Variants in C4orf50 observed in about 807,000 individuals in gnomAD.
The protein encoded by C4orf50 is uncharacterized protein C4orf50.
In C4orf50, 80 loss-of-function variants were observed where a neutral mutation model predicts 77.2. That is an observed-to-expected ratio of 1.04 (90% CI 0.87 to 1.25). The LOEUF is 1.25. Ranked by LOEUF, C4orf50 falls within the 50% of genes most tolerant of loss-of-function variation. The pLI is 0.00. For missense variants in C4orf50, 1,257 were observed against 1,152.9 expected (o/e 1.09, Z -1.31); for synonymous variants, 532 against 465.3 (o/e 1.14, Z -1.84).
In C4orf50 at chr4:6,009,788, C is replaced by T. The variant is rs984734801; in HGVS notation, c.427-1256G>A. 1.3e-5 allele frequency among the ~76,000 whole-genome samples: 2 copies of T among 152,126 alleles called. No individual in the cohort carries two copies. The highest frequency in any genetic ancestry group is 2.9e-5 in the Non-Finnish European group (2 of 68,028). ...CGCTTCAAAATACAGATGTTTGCAG[C>T]GAGAGATTTAGGGTTAGAGGGTTGG... On this transcript the variant is annotated intron_variant, in intron 24 of 33. Transcript: ENST00000531445. The surrounding 1 kb of genome is among the most constrained non-coding windows in gnomAD (Gnocchi z 5.6).
chr4:6,002,259 C>T (rs1400927714), intron 25 of C4orf50, among the ~76,000 whole-genome samples: 1 of 152,120 alleles, frequency 6.6e-6, no homozygotes, highest in African/African-American at 2.4e-5. Flanking sequence ...GTCTGCAAGT[C>T]AAAGATTGCC....
chr4:5,921,029 G>T (rs1392225039), intron 7 of C4orf50, among the ~76,000 whole-genome samples: 2 of 152,208 alleles, frequency 1.3e-5, no homozygotes, highest in Non-Finnish European at 2.9e-5. Flanking sequence ...GGATTTCTCT[G>T]GGATGTGGCC....
intron 25 of C4orf50, among the ~76,000 whole-genome samples, chr4:5,996,592 T>C (rs73196045): frequency 0.065 from 9,910 of 152,268 alleles, 350 homozygotes; most frequent in African/African-American, 0.077. Context: ...AAGGCCGATC[T>C]TTAATGAGGC....
intron 7 of C4orf50, among the ~76,000 whole-genome samples, chr4:5,927,041 C>T (rs903892713): frequency 3.3e-5 from 5 of 152,080 alleles, no homozygotes; most frequent in Middle Eastern, 3.2e-3. Flanking sequence ...CCTGCTTTTA[C>T]GATGCCCACT....
At position 6,000,799 on chromosome 4, in the gene C4orf50, C is replaced by A. The variant is rs959131960; in HGVS notation, c.964-6323G>T. ...GTATTTACTGAAGAAACAGGGCGTG[C>A]GACACAGCTATGGGATCAGCTCACC... is the stretch of plus-strand genomic sequence containing the variant. On this transcript the variant is annotated intron_variant, in intron 25 of 33. Transcript: ENST00000531445. The surrounding 1 kb of genome is among the most constrained non-coding windows in gnomAD (Gnocchi z 6.0). 6.6e-6 allele frequency among the ~76,000 whole-genome samples: 1 copy of A among 152,112 alleles called. No homozygotes were observed. The highest frequency in any genetic ancestry group is 1.5e-5 in the Non-Finnish European group (1 of 68,010).
chr4:6,013,250 T>A (rs990934356), intron 23 of C4orf50, among the ~76,000 whole-genome samples: 5 of 152,178 alleles, frequency 3.3e-5, no homozygotes, highest in Non-Finnish European at 5.9e-5. Flanking sequence ...TGCTCTCTCG[T>A]GAGGATCATA....
chr4:6,003,798 GTGATGGTGATGATGGTGA>G (rs1430138143), intron 25 of C4orf50, among the ~76,000 whole-genome samples: 2 of 109,922 alleles, frequency 1.8e-5, no homozygotes, highest in African/African-American at 6.9e-5. Context: ...GGTGATGATG[GTGATGGTGATGATGGTGA>G]TGATGGTGAT....
chr4:5,986,521 C>G (rs139050865), intron 28 of C4orf50, among the ~76,000 whole-genome samples: 408 of 148,696 alleles, frequency 2.7e-3, no homozygotes, highest in African/African-American at 9.5e-3. Flanking sequence ...TACAACAGGG[C>G]TAGCTATAAC....
In C4orf50 at chr4:5,916,438, AGGCACTG is replaced by A. The variant is rs1717031744; in HGVS notation, c.*2475-18257_*2475-18251del. ...GACCTGCCCCCAGAGCTCAGACCCC[AGGCACTG>A]GGTTGTTTTCCCTCACATCGCAGCC... On this transcript the variant is annotated intron_variant, in intron 7 of 7. Coordinates refer to the C4orf50 transcript ENST00000324058. This position sits in a 1 kb window ranked among gnomAD's most constrained non-coding sequence, Gnocchi z 4.4. Among the ~76,000 whole-genome samples, 1 of 152,092 alleles carries A rather than the reference AGGCACTG, an allele frequency of 6.6e-6. No homozygotes were observed. The highest frequency in any genetic ancestry group is 2.1e-4 in the South Asian group (1 of 4,808).
chr4:5,943,618 A>C (rs1326321070), intron 7 of C4orf50, among the ~76,000 whole-genome samples: 3 of 152,090 alleles, frequency 2.0e-5, no homozygotes, highest in African/African-American at 7.3e-5. Flanking sequence ...AGAATCAAAC[A>C]AGAGCACACA....
chr4:6,004,779 A>C (rs1188333464), intron 25 of C4orf50, among the ~76,000 whole-genome samples: 1 of 145,340 alleles, frequency 6.9e-6, no homozygotes, highest in Middle Eastern at 3.5e-3. Context: ...GATGACGGCG[A>C]TGGTGATGGT....
chr4:5,964,767 C>A (rs1412620963), intron 33 of C4orf50, among the ~76,000 whole-genome samples: 19 of 107,956 alleles, frequency 1.8e-4, no homozygotes, highest in African/African-American at 2.2e-4. Context: ...GACTCTGTCT[C>A]AAAAAAAAAA....
intron 31 of C4orf50, among the ~76,000 whole-genome samples, chr4:5,972,725 G>A (rs1719998908): frequency 6.6e-6 from 1 of 152,242 alleles, no homozygotes; most frequent in Admixed American, 6.5e-5. Flanking sequence ...AGGGACCATG[G>A]AAAACAGCCC....
exon 28 of C4orf50, chr4:5,988,954 A>T: frequency 6.5e-7 from 1 of 1,535,890 alleles, no homozygotes; most frequent in Non-Finnish European, 8.7e-7. Context: ...GGCTTTCTGG[A>T]GTTGGCCCAG....
chr4:5,961,944 T>C (rs1198867183), intron 33 of C4orf50, among the ~76,000 whole-genome samples: 1 of 152,212 alleles, frequency 6.6e-6, no homozygotes, highest in African/African-American at 2.4e-5. Context: ...GGTGTCATTA[T>C]TTAACAAGTT....
chr4:5,987,578 G>C (rs1359874441), intron 28 of C4orf50, among the ~76,000 whole-genome samples: 1 of 149,984 alleles, frequency 6.7e-6, no homozygotes, highest in Non-Finnish European at 1.5e-5. Context: ...AGAAGGAAGA[G>C]AGAGACAAAG....
chr4:5,965,239 T>G, intron 32 of C4orf50, 94 bp from the exon 11 acceptor site: 16 of 1,303,266 alleles, frequency 1.2e-5, no homozygotes, highest in Non-Finnish European at 1.6e-5. Context: ...CTTCACTCTC[T>G]AGCCATTCCC....
intron 30 of C4orf50, 125 bp from the exon 9 acceptor site, chr4:5,973,966 C>T (rs546481056): frequency 2.6e-5 from 20 of 761,896 alleles, no homozygotes; most frequent in Admixed American, 8.9e-5. Flanking sequence ...CTCAGCTCAG[C>T]GGAGCAGCCT....
At chr4:5,910,968 T>G (rs1461437035) in intron 7 of C4orf50, among the ~76,000 whole-genome samples, 1 of 146,968 alleles carries the variant, frequency 6.8e-6, no homozygotes, top group Non-Finnish European at 1.5e-5. Flanking sequence ...TGCGGTGGTG[T>G]GAACTTGGCT....
Sources: allele counts gnomAD v4.1 joint callset (sites outside exome capture counted in the v4.1 genomes callset), GRCh38; gene constraint gnomAD v4.1.1; non-coding constraint Gnocchi (gnomAD v3.1); transcripts MANE v1.5; gene names NCBI Gene and HGNC (gene_info 2026-07-23, HGNC 2026-07-21).